The following PPP1R1C variants were observed in gnomAD, a reference collection of about 807,000 sequenced individuals.
The protein encoded by PPP1R1C is protein phosphatase 1 regulatory subunit 1C.
PPP1R1C carries 15 observed loss-of-function variants against 17.4 expected under a neutral mutation model. That is an observed-to-expected ratio of 0.86 (90% CI 0.58 to 1.33). The LOEUF is 1.33. Among genes scored for constraint, PPP1R1C ranks in the 40% most tolerant of loss-of-function variants. PPP1R1C has a pLI of 0.00. For synonymous variants in PPP1R1C, 35 were observed against 43.1 expected (o/e 0.81, Z 0.73); for missense variants, 143 against 130.0 (o/e 1.10, Z -0.48).
intron 2 of PPP1R1C, among the ~76,000 whole-genome samples, chr2:182,028,043 G>T (rs1167455628): frequency 3.1e-5 from 4 of 127,504 alleles, no homozygotes; most frequent in African/African-American, 1.2e-4. Flanking sequence ...TATTTCTGTG[G>T]GATCGGTGGT....
chr2:182,076,181 CTTTTTTTTTTCTTTTCTTTTTTTTTT>C (rs1688293860), intron 4 of PPP1R1C, among the ~76,000 whole-genome samples: 6 of 47,520 alleles, frequency 1.3e-4, no homozygotes, highest in South Asian at 8.8e-4. Flanking sequence ...GGATTTTGAA[CTTTTTTTTTTCTTTTCTTTTTTTTTT>C]TTTTTTTTTT....
intron 2 of PPP1R1C, among the ~76,000 whole-genome samples, chr2:182,033,333 CTGA>C (rs1431473959): frequency 6.6e-6 from 1 of 152,180 alleles, no homozygotes. Flanking sequence ...CAGTCATATA[CTGA>C]TAACTTTCAA....
intron 5 of PPP1R1C, among the ~76,000 whole-genome samples, chr2:182,125,421 G>A (rs182390098): frequency 6.6e-6 from 1 of 152,256 alleles, no homozygotes; most frequent in Admixed American, 6.5e-5. Context: ...CATAAAATGA[G>A]TTAGGGAGGA....
chr2:182,054,257 T>G (rs1300165042), intron 2 of PPP1R1C, among the ~76,000 whole-genome samples: 1 of 152,226 alleles, frequency 6.6e-6, no homozygotes. Context: ...TCACTGAGTT[T>G]TCTGTAATGG....
intron 2 of PPP1R1C, among the ~76,000 whole-genome samples, chr2:182,035,901 G>T (rs1365441824): frequency 1.3e-5 from 2 of 152,026 alleles, no homozygotes; most frequent in South Asian, 2.1e-4. Flanking sequence ...AGGGGAAAAA[G>T]CTTAATTGTT....
At chr2:182,058,199 C>T (rs1319599820) in intron 2 of PPP1R1C, among the ~76,000 whole-genome samples, 4 of 152,006 alleles carry the variant, frequency 2.6e-5, no homozygotes, top group Non-Finnish European at 5.9e-5. Context: ...TCCTTAGGCT[C>T]CTCTTGGCTA....
At chr2:182,046,170 A>G (rs1434827659) in intron 2 of PPP1R1C, among the ~76,000 whole-genome samples, 1 of 147,046 alleles carries the variant, frequency 6.8e-6, no homozygotes, top group African/African-American at 2.6e-5. Flanking sequence ...ATTTCATGGT[A>G]AGAGTACCTA....
intron 4 of PPP1R1C, among the ~76,000 whole-genome samples, chr2:182,079,389 G>A (rs890369120): frequency 2.0e-5 from 3 of 152,170 alleles, no homozygotes; most frequent in Non-Finnish European, 2.9e-5. Flanking sequence ...AGGTAATGCT[G>A]CGCTGTGTCT....
At chr2:181,991,174 G>A (rs1414855408) in intron 2 of PPP1R1C, among the ~76,000 whole-genome samples, 1 of 151,468 alleles carries the variant, frequency 6.6e-6, no homozygotes, top group Non-Finnish European at 1.5e-5. Flanking sequence ...GTATTTGAAA[G>A]AATGATTATA....
rs1323266089 is a variant in PPP1R1C at position 182,027,718 on chromosome 2, A to G, written c.143-33724A>G. 9.9e-5 allele frequency among the ~76,000 whole-genome samples: 15 copies of G among 151,474 alleles called. No homozygotes were observed. In the South Asian group the frequency reaches 2.5e-3, roughly 25 times the overall value. On this transcript the variant is annotated intron_variant, in intron 2 of 4. Coordinates refer to ENST00000682840, the MANE Select transcript of PPP1R1C (RefSeq NM_001080545.3). ...CTGGCTTTGGTATCAGAATGATGCT[A>G]GCCTCATAAAATGAGTTAGGGAGGA...
At chr2:182,093,230 G>A (rs931864445) in intron 4 of PPP1R1C, among the ~76,000 whole-genome samples, 2 of 152,158 alleles carry the variant, frequency 1.3e-5, no homozygotes, top group Non-Finnish European at 2.9e-5. Context: ...ACCCTCTGAA[G>A]CCACAGCCTG....
intron 2 of PPP1R1C, among the ~76,000 whole-genome samples, chr2:182,042,987 A>G (rs1687229975): frequency 6.6e-6 from 1 of 152,248 alleles, no homozygotes; most frequent in Non-Finnish European, 1.5e-5. Context: ...ATATTTGTTT[A>G]AAAACTTTCT....
intron 2 of PPP1R1C, among the ~76,000 whole-genome samples, chr2:182,021,496 T>G (rs1316497710): frequency 6.6e-6 from 1 of 151,860 alleles, no homozygotes; most frequent in Non-Finnish European, 1.5e-5. Context: ...CCTGGCTAAT[T>G]TTTGTATTTT....
chr2:182,066,965 TGTTTG>T lies in PPP1R1C; in HGVS notation c.241+3175_241+3179del, dbSNP rs1559079277. ...TTGTGTGTGTGTCTGTGTGTGTGTG[TGTTTG>T]TGTGTGTGTGTGTGTGTGTGTGTGT... On this transcript the variant is annotated intron_variant, in intron 4 of 4. Transcript: ENST00000682840. Among the ~76,000 whole-genome samples, 14 of 71,420 alleles carry T rather than the reference TGTTTG, an allele frequency of 2.0e-4. No individual in the cohort carries two copies. In the East Asian group the frequency reaches 4.8e-3, roughly 24 times the overall value. The allele number at this position is 71,420 out of a possible 152,430, so 46.9% of individuals were successfully genotyped here.
intron 4 of PPP1R1C, among the ~76,000 whole-genome samples, chr2:182,067,609 C>T (rs1300266620): frequency 6.6e-6 from 1 of 152,164 alleles, no homozygotes; most frequent in South Asian, 2.1e-4. Context: ...CACGGTTCCA[C>T]CCTCAATGCC....
At chr2:182,037,420 C>T (rs188550074) in intron 2 of PPP1R1C, among the ~76,000 whole-genome samples, 312 of 152,232 alleles carry the variant, frequency 2.0e-3, no homozygotes, top group African/African-American at 7.2e-3. Context: ...AACCCCGTCT[C>T]TACTAAAAAT....
chr2:182,056,660 G>T (rs1687692714), intron 2 of PPP1R1C, among the ~76,000 whole-genome samples: 1 of 151,966 alleles, frequency 6.6e-6, no homozygotes, highest in South Asian at 2.1e-4. Context: ...TCTATATATG[G>T]GTCAGTGCTC....
intron 1 of PPP1R1C, among the ~76,000 whole-genome samples, chr2:181,974,531 G>T (rs1486541943): frequency 1.3e-5 from 2 of 152,136 alleles, no homozygotes; most frequent in South Asian, 4.1e-4. Context: ...CAAAGATTTG[G>T]TATCCATTCT....
downstream of PPP1R1C, chr2:182,131,294 CATAT>C (rs1188176174): frequency 5.3e-5 from 8 of 151,568 alleles, no homozygotes; most frequent in Admixed American, 5.3e-4. Context: ...TATATATACA[CATAT>C]ATATAAAATG....
Sources: allele counts gnomAD v4.1 joint callset (sites outside exome capture counted in the v4.1 genomes callset), GRCh38; gene constraint gnomAD v4.1.1; transcripts MANE v1.5; gene names NCBI Gene and HGNC (gene_info 2026-07-23, HGNC 2026-07-21).